EVI5L: variants seen among roughly 807,000 people sequenced by gnomAD.
EVI5L encodes ecotropic viral integration site 5 like.
Under a neutral mutation model 106.1 loss-of-function variants are expected in EVI5L, and 30 were observed. The ratio of observed to expected loss-of-function variants is 0.28; its 90% CI spans 0.21 to 0.38. EVI5L has a LOEUF of 0.38. Ranked by LOEUF, EVI5L falls within the 10% of genes least tolerant of loss-of-function variation. EVI5L has a pLI of 1.00. For synonymous variants in EVI5L, 489 were observed against 483.3 expected, an observed-to-expected ratio of 1.01 and a Z score of -0.15; for missense variants, 809 against 1,098.0, an observed-to-expected ratio of 0.74 and a Z score of 3.72.
chr19:7,851,288 G>C, intron 6 of EVI5L, 146 bp from the exon 7 acceptor site: 1 of 951,134 alleles, frequency 1.1e-6, no homozygotes, highest in Non-Finnish European at 1.5e-6. Flanking sequence ...CTCAGACAGA[G>C]TGCTGAGGGA....
In EVI5L at chr19:7,860,557, C is replaced by G; in HGVS notation, c.1375-4C>G. ...GGCCCCACGCAGCTCTCTGCCTCCC[C>G]CAGGAGAACCCCCGCCTCACAGAAG... On this transcript the variant is annotated splice_polypyrimidine_tract_variant and splice_region_variant and intron_variant, in intron 13 of 19. Coordinates refer to ENST00000538904, the MANE Select transcript of EVI5L (RefSeq NM_001159944.3). 1 of 1,583,436 alleles carries G rather than the reference C, an allele frequency of 6.3e-7. No homozygotes were observed. The highest frequency in any genetic ancestry group is 8.6e-7 in the Non-Finnish European group (1 of 1,166,698).
At chr19:7,842,138 CAT>C (rs1486797121) in intron 1 of EVI5L, among the ~76,000 whole-genome samples, 2 of 151,822 alleles carry the variant, frequency 1.3e-5, no homozygotes, top group Non-Finnish European at 2.9e-5. Context: ...GAATGTATGT[CAT>C]GTGCATGTGT....
At chr19:7,853,596 T>C (rs1979374589) in intron 10 of EVI5L, 2 of 563,592 alleles carry the variant, frequency 3.5e-6, no homozygotes, top group East Asian at 6.1e-5. Context: ...GGGGAAGCAA[T>C]CAATAAACCA....
intron 14 of EVI5L, among the ~76,000 whole-genome samples, chr19:7,861,622 C>T (rs1979802028): frequency 6.6e-6 from 1 of 152,112 alleles, no homozygotes; most frequent in Non-Finnish European, 1.5e-5. Context: ...GTGTGCAGCG[C>T]GGCGTTTATG....
At chr19:7,851,017 A>G (rs1979222249) in intron 6 of EVI5L, among the ~76,000 whole-genome samples, 1 of 129,398 alleles carries the variant, frequency 7.7e-6, no homozygotes, top group Non-Finnish European at 1.7e-5. Flanking sequence ...GTCACGTAAC[A>G]AGGTGGGGGG....
intron 1 of EVI5L, among the ~76,000 whole-genome samples, chr19:7,843,444 ATG>A (rs1978786636): frequency 1.5e-5 from 1 of 65,856 alleles, no homozygotes; most frequent in East Asian, 4.6e-4. Context: ...GTGTGTGTGT[ATG>A]GGTGTGTGAG....
chr19:7,863,824 C>A lies in EVI5L; in HGVS notation c.*122C>A. On this transcript the variant is annotated 3_prime_UTR_variant, in exon 20 of 20. Transcript: ENST00000538904. The surrounding 1 kb of genome is among the most constrained non-coding windows in gnomAD (Gnocchi z 7.7). Reference sequence around the variant, plus strand: ...ACGCGCCCTCTGTGGCTCGGCCACCCCTAAAGCGAGGCCCGGCGAGGCAGC... The same window carrying A: ...ACGCGCCCTCTGTGGCTCGGCCACCACTAAAGCGAGGCCCGGCGAGGCAGC... The A allele has an allele frequency of 7.4e-7, 1 of 1,346,274 alleles. No homozygotes were observed. The highest frequency in any genetic ancestry group is 9.7e-7 in the Non-Finnish European group (1 of 1,032,342). The allele number at this position is 1,346,274 out of a possible 1,614,324, so 83.4% of individuals were successfully genotyped here.
rs1979837663 is a variant in EVI5L at position 7,862,217 on chromosome 19, G to A, written c.1740G>A (p.Glu580=). 2 of 1,572,352 alleles carry A rather than the reference G, an allele frequency of 1.3e-6. No individual in the cohort carries two copies. The highest frequency in any genetic ancestry group is 8.6e-7 in the Non-Finnish European group (1 of 1,160,686). The change falls in exon 16 of 20, where the codon GAG becomes GAA. Residue 580 remains glutamate, a synonymous_variant. Transcript: ENST00000538904. ...QDELMSVRLR[E]AQALAEGREL... ...AGCTGATGAGCGTGCGTCTGCGCGA[G>A]GCCCAGGCCCTGGCCGAGGGCCGCG...
chr19:7,848,796 G>A lies in EVI5L; in HGVS notation c.328-125G>A. On this transcript the variant is annotated intron_variant, in intron 3 of 19. Transcript: ENST00000538904. This position sits in a 1 kb window ranked among gnomAD's most constrained non-coding sequence, Gnocchi z 4.8. ...AAAAAAGGGGGTAAAAAAAGGATTG[G>A]GGACCATGAGTTCTGTGCCATGCTT... 1 of 845,012 alleles carries A rather than the reference G, an allele frequency of 1.2e-6. No individual in the cohort carries two copies. The highest frequency in any genetic ancestry group is 1.8e-6 in the Non-Finnish European group (1 of 550,936). The allele number at this position is 845,012 out of a possible 1,614,324, so 52.3% of individuals were successfully genotyped here. A position where few individuals can be genotyped will look rare whatever the true frequency, so the allele number is the denominator to read the frequency against.
chr19:7,843,311 A>C (rs1287331817), intron 1 of EVI5L, among the ~76,000 whole-genome samples: 2 of 118,250 alleles, frequency 1.7e-5, no homozygotes. Flanking sequence ...GTGTGAGAGA[A>C]TAGGCATGGG....
rs1220757096 is a variant in EVI5L at position 7,835,507 on chromosome 19, C to T, written c.-48+5126C>T. ...TGGGTGACAGAGGTAGACTCGGTTT[C>T]AAAGAAAAAAGAATAAAAAGAAAAG... On this transcript the variant is annotated intron_variant, in intron 1 of 19. Coordinates refer to ENST00000538904, the MANE Select transcript of EVI5L (RefSeq NM_001159944.3). The surrounding 1 kb of genome is among the most constrained non-coding windows in gnomAD (Gnocchi z 4.1). Among the ~76,000 whole-genome samples, 1 of 151,866 alleles carries T rather than the reference C, an allele frequency of 6.6e-6. No homozygotes were observed. The highest frequency in any genetic ancestry group is 1.5e-5 in the Non-Finnish European group (1 of 67,988).
Position 7,863,799 on chromosome 19 carries a change from A to C in EVI5L, c.*97A>C, listed in dbSNP as rs1599583205. The C allele has an allele frequency of 1.2e-5, 17 of 1,396,932 alleles. No individual in the cohort carries two copies. Among genetic ancestry groups the C allele is most frequent in the Middle Eastern group, 2.6e-4 (1 of 3,794 alleles). 86.5% of individuals were successfully genotyped at this position (1,396,932 alleles called of 1,614,324 possible). ...CCCCACCTGCCGCACTTGACAAACT[A>C]CGCGCCCTCTGTGGCTCGGCCACCC... On this transcript the variant is annotated 3_prime_UTR_variant, in exon 20 of 20. Coordinates refer to ENST00000538904, the MANE Select transcript of EVI5L (RefSeq NM_001159944.3). The surrounding 1 kb of genome is among the most constrained non-coding windows in gnomAD (Gnocchi z 7.7).
In EVI5L at chr19:7,858,360, C is replaced by T. The variant is rs1459549462; in HGVS notation, c.1374+29C>T. 7 of 1,532,008 alleles carry T rather than the reference C, an allele frequency of 4.6e-6. No homozygotes were observed. Among genetic ancestry groups the T allele is most frequent in the East Asian group, 4.9e-5 (2 of 40,704 alleles). 94.9% of individuals were successfully genotyped at this position (1,532,008 alleles called of 1,614,324 possible). ...GGGGCGGGTGTGCGGGGCTGCTGGG[C>T]GGGGCCATGACCCGCGCCCCCGCCC... On this transcript the variant is annotated intron_variant, in intron 13 of 19. Transcript: ENST00000538904. The surrounding 1 kb of genome is among the most constrained non-coding windows in gnomAD (Gnocchi z 5.7).
rs146677119 is a variant in EVI5L at position 7,847,798 on chromosome 19, G to A, written c.204G>A (p.Ser68=). Reference sequence around the variant, plus strand: ...GCTCGCGGCGGAACAGTGGCTCCTCGCTAGTGTCCAGCTCCTCGGCCTCCT... The same window carrying A: ...GCTCGCGGCGGAACAGTGGCTCCTCACTAGTGTCCAGCTCCTCGGCCTCCT... The part of the protein sequence containing the change: ...MNGSRRNSGS[S]LVSSSSASSN... Residue 68 remains serine (S), a synonymous_variant, in exon 3 of 20, where the codon TCG becomes TCA. Coordinates refer to ENST00000538904, the MANE Select transcript of EVI5L (RefSeq NM_001159944.3). The A allele has an allele frequency of 4.2e-5, 67 of 1,612,980 alleles. No homozygotes were observed. Among genetic ancestry groups the A allele is most frequent in the African/African-American group, 2.7e-4 (20 of 75,012 alleles).
chr19:7,843,058 C>T (rs902283413), intron 1 of EVI5L, among the ~76,000 whole-genome samples: 7 of 138,190 alleles, frequency 5.1e-5, no homozygotes, highest in South Asian at 2.3e-4. Flanking sequence ...GGCTGTGTGT[C>T]GAGTATGTGC....
chr19:7,847,216 C>T (rs553064868), intron 2 of EVI5L, among the ~76,000 whole-genome samples: 35 of 152,110 alleles, frequency 2.3e-4, no homozygotes, highest in African/African-American at 7.2e-4. Context: ...CACTTGAACC[C>T]GGGAGGCGGA....
intron 1 of EVI5L, among the ~76,000 whole-genome samples, chr19:7,837,089 G>A (rs1742119501): frequency 6.6e-6 from 1 of 151,218 alleles, no homozygotes; most frequent in African/African-American, 2.4e-5. Context: ...CCAGCACTTT[G>A]GGAGGCTGAG....
At position 7,862,003 on chromosome 19, in the gene EVI5L, C is replaced by T. The variant is rs1354453845; in HGVS notation, c.1629C>T (p.Leu543=). The T allele has an allele frequency of 3.9e-6, 6 of 1,547,462 alleles. No homozygotes were observed. The South Asian group carries it at 4.8e-5, about 12-fold the overall frequency. ...TRELKLQLQE[L]SDTWQAHLAR... is the part of the protein sequence containing the mutation. ...AGCTTAAACTGCAGCTGCAGGAGCT[C>T]TCGGACACCTGGCAGGTGAGGGCCG... The change falls in exon 15 of 20, where the codon CTC becomes CTT. Residue 543 remains leucine, a synonymous_variant. Transcript: ENST00000538904.
At position 7,857,399 on chromosome 19, in the gene EVI5L, G is replaced by T; in HGVS notation, c.1233+275G>T. 3 of 590,372 alleles carry T rather than the reference G, an allele frequency of 5.1e-6. No homozygotes were observed. Among genetic ancestry groups the T allele is most frequent in the East Asian group, 5.6e-5 (2 of 35,422 alleles). 36.6% of individuals were successfully genotyped at this position (590,372 alleles called of 1,614,324 possible). A position where few individuals can be genotyped will look rare whatever the true frequency, so the allele number is the denominator to read the frequency against. Reference sequence around the variant, plus strand: ...AGAAAGCTTCCTCCGGGCGACACAGGGTGGGGACCCAGGAGGGCTGGGGAA... The same window carrying T: ...AGAAAGCTTCCTCCGGGCGACACAGTGTGGGGACCCAGGAGGGCTGGGGAA... On this transcript the variant is annotated intron_variant, in intron 12 of 19. Coordinates refer to ENST00000538904, the MANE Select transcript of EVI5L (RefSeq NM_001159944.3). The surrounding 1 kb of genome is among the most constrained non-coding windows in gnomAD (Gnocchi z 4.5).
Sources: gnomAD v4.1 joint callset for allele counts (sites outside exome capture counted in the v4.1 genomes callset) on GRCh38, gnomAD v4.1.1 for gene constraint, Gnocchi (gnomAD v3.1) non-coding constraint, MANE v1.5 for transcripts, NCBI Gene and HGNC (gene_info 2026-07-23, HGNC 2026-07-21) for gene names.